DPP6: variants seen among roughly 807,000 people sequenced by gnomAD.
The protein encoded by DPP6 is A-type potassium channel modulatory protein DPP6.
In DPP6, 69 loss-of-function variants were observed where a neutral mutation model predicts 122.6. That is an observed-to-expected ratio of 0.56 (90% CI 0.46 to 0.69). DPP6 has a LOEUF of 0.69. Ranked by LOEUF, DPP6 falls within the 30% of genes least tolerant of loss-of-function variation. DPP6 has a pLI of 0.00. For synonymous variants in DPP6, 418 were observed against 433.1 expected (o/e 0.97, Z 0.43); for missense variants, 928 against 1,116.9 (o/e 0.83, Z 2.41).
chr7:153,781,510 A>C, the DPP6 span, among the ~76,000 whole-genome samples: 1 of 152,058 alleles, frequency 6.6e-6, no homozygotes, highest in Non-Finnish European at 1.5e-5. Context: ...CACTACTTAC[A>C]CTCTGTTCTC....
intron 1 of DPP6, among the ~76,000 whole-genome samples, chr7:154,186,627 G>A (rs1798367103): frequency 6.6e-6 from 1 of 152,228 alleles, no homozygotes; most frequent in African/African-American, 2.4e-5. Context: ...GTACTCAGAG[G>A]AGGACTCCGG....
At position 154,806,534 on chromosome 7, in the gene DPP6, C is replaced by G. The variant is rs189668306; in HGVS notation, c.1548-460C>G. On this transcript the variant is annotated intron_variant, in intron 15 of 25. Transcript: ENST00000377770. ...CCAGAGTTCAATTCCACTGGTGCTG[C>G]TGGAGCCCCTGCCTGCTCACATGCC... 3.1e-3 allele frequency among the ~76,000 whole-genome samples: 475 copies of G among 152,338 alleles called. 3 individuals carry two copies. Among genetic ancestry groups the G allele is most frequent in the Middle Eastern group, 0.02 (6 of 294 alleles).
intron 1 of DPP6, among the ~76,000 whole-genome samples, chr7:154,078,351 TAC>T (rs3052965): frequency 0.22 from 32,454 of 149,262 alleles, 3,427 homozygotes; most frequent in East Asian, 0.37. Flanking sequence ...AGTGCATATG[TAC>T]ACACACACAC....
intron 1 of DPP6, among the ~76,000 whole-genome samples, chr7:154,247,894 A>G (rs1802090491): frequency 6.6e-6 from 1 of 152,228 alleles, no homozygotes; most frequent in Admixed American, 6.5e-5. Context: ...ATCTATTCAT[A>G]CAGTGAACTG....
At chr7:154,318,332 C>T (rs1215451534) in intron 1 of DPP6, among the ~76,000 whole-genome samples, 2 of 152,100 alleles carry the variant, frequency 1.3e-5, no homozygotes, top group Non-Finnish European at 1.5e-5. Flanking sequence ...TTAGGAATGC[C>T]AATTACTTCC....
chr7:154,822,465 C>T (rs577596523), intron 16 of DPP6, among the ~76,000 whole-genome samples: 51 of 152,256 alleles, frequency 3.3e-4, no homozygotes, highest in South Asian at 8.3e-4. Flanking sequence ...CCCTAAGGCC[C>T]GACCCCCTAA....
chr7:154,116,780 T>C (rs1293980717), intron 1 of DPP6, among the ~76,000 whole-genome samples: 1 of 152,242 alleles, frequency 6.6e-6, no homozygotes, highest in African/African-American at 2.4e-5. Context: ...GACCTGTCTC[T>C]TTTATCAGAA....
At position 154,433,136 on chromosome 7, in the gene DPP6, G is replaced by GTTTTTTTTTTTTTT. The variant is rs548053204; in HGVS notation, c.244-13064_244-13051dup. On this transcript the variant is annotated intron_variant, in intron 1 of 25. Transcript: ENST00000377770. Reference sequence around the variant, plus strand: ...TAATGGCTCTCATACTAGACTGCAAGTTTTTTTTTTTTTTTTTTTTTTTTT... The same window carrying GTTTTTTTTTTTTTT: ...TAATGGCTCTCATACTAGACTGCAAGTTTTTTTTTTTTTTTTTTTTTTTTTTTTTTTTTTTTTTT... Among the ~76,000 whole-genome samples, 13 of 72,348 alleles carry GTTTTTTTTTTTTTT rather than the reference G, an allele frequency of 1.8e-4. 2 individuals carry two copies. Among genetic ancestry groups the GTTTTTTTTTTTTTT allele is most frequent in the African/African-American group, 7.1e-4 (12 of 16,826 alleles). 47.5% of individuals were successfully genotyped at this position (72,348 alleles called of 152,430 possible). A position where few individuals can be genotyped will look rare whatever the true frequency, so the allele number is the denominator to read the frequency against.
chr7:154,709,381 T>C (rs906419248), intron 7 of DPP6, among the ~76,000 whole-genome samples: 2 of 152,042 alleles, frequency 1.3e-5, no homozygotes, highest in Non-Finnish European at 2.9e-5. Flanking sequence ...TTGTTGTTGT[T>C]GTCGTTGCTA....
chr7:154,429,091 CCTGGCCTCAGGT>C (rs1347579637), intron 1 of DPP6, among the ~76,000 whole-genome samples: 2 of 151,982 alleles, frequency 1.3e-5, no homozygotes, highest in African/African-American at 2.4e-5. Flanking sequence ...AATCTAAAGG[CCTGGCCTCAGGT>C]CTGATTCTGC....
the DPP6 span, among the ~76,000 whole-genome samples, chr7:153,791,941 A>T: frequency 6.6e-6 from 1 of 152,204 alleles, no homozygotes; most frequent in South Asian, 2.1e-4. Flanking sequence ...CAGACTGAGG[A>T]TCTGTTTACC....
intron 8 of DPP6, among the ~76,000 whole-genome samples, chr7:154,748,505 G>A (rs1843144393): frequency 6.6e-6 from 1 of 152,190 alleles, no homozygotes; most frequent in Non-Finnish European, 1.5e-5. Flanking sequence ...AACACCCGCG[G>A]CACTAGACAA....
At chr7:154,064,902 G>C (rs1802578765) in intron 1 of DPP6, among the ~76,000 whole-genome samples, 1 of 152,120 alleles carries the variant, frequency 6.6e-6, no homozygotes, top group Non-Finnish European at 1.5e-5. Context: ...GGACTGGCCA[G>C]GGAGGGAATC....
At chr7:154,236,447 C>T (rs1465033795) in intron 1 of DPP6, among the ~76,000 whole-genome samples, 1 of 152,128 alleles carries the variant, frequency 6.6e-6, no homozygotes, top group East Asian at 1.9e-4. Flanking sequence ...TAATTTTACG[C>T]AACAAAAATT....
intron 1 of DPP6, among the ~76,000 whole-genome samples, chr7:154,087,616 C>T (rs1171725337): frequency 1.3e-5 from 2 of 152,190 alleles, no homozygotes; most frequent in East Asian, 3.9e-4. Context: ...TTCTCTCTGT[C>T]CGTCCCTAAT....
chr7:154,064,027 G>C lies in DPP6; in HGVS notation c.243+10964G>C, dbSNP rs1270294199. Among the ~76,000 whole-genome samples the C allele has an allele frequency of 2.6e-5, 4 of 152,198 alleles. No homozygotes were observed. In the East Asian group the frequency reaches 7.8e-4, roughly 30 times the overall value. On this transcript the variant is annotated intron_variant, in intron 1 of 25. Transcript: ENST00000377770. ...TTGGTTTGAGAAGAAAAGGGTCCAG[G>C]AGTTATTGCAACCCAGCTAGCAAGC... is the stretch of plus-strand genomic sequence containing the variant.
At chr7:154,725,361 A>C (rs1182748440) in intron 7 of DPP6, among the ~76,000 whole-genome samples, 1 of 152,226 alleles carries the variant, frequency 6.6e-6, no homozygotes, top group Non-Finnish European at 1.5e-5. Context: ...GGTTTAATTG[A>C]CACACTGTTC....
intron 3 of DPP6, among the ~76,000 whole-genome samples, chr7:154,476,204 A>G (rs988695029): frequency 2.0e-5 from 3 of 152,208 alleles, no homozygotes; most frequent in Admixed American, 1.3e-4. Context: ...TTTAAAAGTG[A>G]AAAAAGTAGG....
chr7:154,023,285 T>C, intron 1 of DPP6, among the ~76,000 whole-genome samples: 1 of 140,810 alleles, frequency 7.1e-6, no homozygotes, highest in East Asian at 2.2e-4. Context: ...GAATAATACC[T>C]CCTACAGCAG....
Sources: allele counts gnomAD v4.1 joint callset (sites outside exome capture counted in the v4.1 genomes callset), GRCh38; gene constraint gnomAD v4.1.1; transcripts MANE v1.5; gene names NCBI Gene and HGNC (gene_info 2026-07-23, HGNC 2026-07-21).